Variants in VDAC1 observed in about 807,000 individuals in gnomAD.
The protein encoded by VDAC1 is non-selective voltage-gated ion channel VDAC1.
VDAC1 carries 10 observed loss-of-function variants against 34.7 expected under a neutral mutation model. The observed-to-expected ratio is 0.29, with a 90% CI of 0.18 to 0.49. The LOEUF is 0.49. VDAC1 is among the 20% of genes least tolerant of loss of function. The pLI is 0.99. For missense variants in VDAC1, 230 were observed against 347.9 expected, an observed-to-expected ratio of 0.66 and a Z score of 2.69; for synonymous variants, 130 against 136.0, an observed-to-expected ratio of 0.96 and a Z score of 0.30.
At chr5:134,091,280 A>AG in the VDAC1 span, among the ~76,000 whole-genome samples, 1 of 152,170 alleles carries the variant, frequency 6.6e-6, no homozygotes, top group Non-Finnish European at 1.5e-5. Context: ...TGTCCCACCC[A>AG]CATCCTTCCC....
the VDAC1 span, chr5:134,082,163 T>A: frequency 1.3e-5 from 2 of 152,270 alleles, no homozygotes; most frequent in Non-Finnish European, 2.9e-5. Flanking sequence ...ACAATCGATA[T>A]GATAGACATC....
the VDAC1 span, among the ~76,000 whole-genome samples, chr5:134,076,718 C>A: frequency 6.6e-6 from 1 of 152,122 alleles, no homozygotes; most frequent in African/African-American, 2.4e-5. Context: ...AGTTGTAAGG[C>A]AAGGGGCTGG....
intron 6 of VDAC1, among the ~76,000 whole-genome samples, chr5:133,977,563 A>T (rs1387015039): frequency 6.6e-6 from 1 of 152,182 alleles, no homozygotes; most frequent in African/African-American, 2.4e-5. Flanking sequence ...CAAACTCTGC[A>T]GTCACTGCCA....
At chr5:134,023,585 C>T in the VDAC1 span, among the ~76,000 whole-genome samples, 24 of 151,994 alleles carry the variant, frequency 1.6e-4, no homozygotes, top group African/African-American at 2.4e-4. Flanking sequence ...AAACGTTCTT[C>T]GGAACATTCA....
the VDAC1 span, among the ~76,000 whole-genome samples, chr5:134,072,368 T>G: frequency 1.3e-5 from 2 of 152,168 alleles, no homozygotes; most frequent in Non-Finnish European, 2.9e-5. Context: ...TCTCAGGAGC[T>G]CCAAAGGAGC....
At chr5:134,085,722 TAAAAAAAAAAAAAAAAAA>T in the VDAC1 span, among the ~76,000 whole-genome samples, 23 of 44,252 alleles carry the variant, frequency 5.2e-4, no homozygotes, top group African/African-American at 2.2e-3. Flanking sequence ...ACCCCATTTC[TAAAAAAAAAAAAAAAAAA>T]AAAAAAAAAA....
At chr5:134,098,703 T>C in the VDAC1 span, among the ~76,000 whole-genome samples, 98 of 152,306 alleles carry the variant, frequency 6.4e-4, no homozygotes, top group Admixed American at 2.9e-3. Context: ...ATCTTTTCCT[T>C]GGGGCTGTCT....
chr5:134,107,959 C>G, the VDAC1 span, among the ~76,000 whole-genome samples: 1 of 152,196 alleles, frequency 6.6e-6, no homozygotes, highest in Non-Finnish European at 1.5e-5. Context: ...GAGTTTCAAG[C>G]TCAGCTCTTG....
the VDAC1 span, among the ~76,000 whole-genome samples, chr5:134,107,302 A>C: frequency 3.3e-5 from 5 of 152,184 alleles, no homozygotes; most frequent in Non-Finnish European, 7.4e-5. Flanking sequence ...GCCTCTGCTC[A>C]TACACCTCTG....
chr5:134,073,100 C>T, the VDAC1 span, among the ~76,000 whole-genome samples: 8 of 152,126 alleles, frequency 5.3e-5, no homozygotes, highest in Non-Finnish European at 1.0e-4. Context: ...ACATCTGACC[C>T]GGCAGCCCTG....
the VDAC1 span, among the ~76,000 whole-genome samples, chr5:134,056,554 C>T: frequency 1.3e-5 from 2 of 152,036 alleles, no homozygotes; most frequent in Non-Finnish European, 2.9e-5. Flanking sequence ...ATCCTCTAGC[C>T]TCGGCCTCCC....
the VDAC1 span, among the ~76,000 whole-genome samples, chr5:134,026,679 A>T: frequency 6.6e-6 from 1 of 152,154 alleles, no homozygotes; most frequent in South Asian, 2.1e-4. Flanking sequence ...AGCCAGCTGC[A>T]TTCCACCTGG....
intron 3 of VDAC1, 45 bp downstream of exon 3, chr5:133,992,260 TA>T (rs1003359931): frequency 2.3e-6 from 3 of 1,315,964 alleles, no homozygotes; most frequent in Middle Eastern, 2.8e-4. Context: ...TAAAATAAAA[TA>T]AAAATAAATA....
At chr5:134,043,486 C>G in the VDAC1 span, among the ~76,000 whole-genome samples, 1 of 152,270 alleles carries the variant, frequency 6.6e-6, no homozygotes, top group South Asian at 2.1e-4. Flanking sequence ...ACCTCCTCCT[C>G]TCTGGTTATT....
At chr5:134,014,297 T>C in the VDAC1 span, among the ~76,000 whole-genome samples, 1 of 151,440 alleles carries the variant, frequency 6.6e-6, no homozygotes, top group South Asian at 2.1e-4. Context: ...CTCAAAAAAA[T>C]AAAAATAAAA....
the VDAC1 span, among the ~76,000 whole-genome samples, chr5:134,094,425 G>A: frequency 1.3e-5 from 2 of 152,162 alleles, no homozygotes; most frequent in Non-Finnish European, 2.9e-5. Context: ...ATGGCCGGGC[G>A]CGGTGGCTCA....
chr5:134,055,588 G>GTTTTTGTTTTTTTTTTTGTTTTTGTTT, the VDAC1 span, among the ~76,000 whole-genome samples: 12 of 59,614 alleles, frequency 2.0e-4, no homozygotes, highest in African/African-American at 7.9e-4. Context: ...CCCCGCTAAT[G>GTTTTTGTTTTTTTTTTTGTTTTTGTTT]TTTTTTTTTT....
the VDAC1 span, among the ~76,000 whole-genome samples, chr5:134,101,064 G>T: frequency 6.6e-6 from 1 of 152,246 alleles, no homozygotes; most frequent in African/African-American, 2.4e-5. Flanking sequence ...TCTGTTGCTT[G>T]CAAGGAGTAA....
chr5:133,982,853 G>A (rs1261252136), intron 5 of VDAC1, among the ~76,000 whole-genome samples: 3 of 148,234 alleles, frequency 2.0e-5, no homozygotes, highest in African/African-American at 7.5e-5. Context: ...CCGCGCCACT[G>A]CACTCCAGCC....
Sources: gnomAD v4.1 joint callset for allele counts (sites outside exome capture counted in the v4.1 genomes callset) on GRCh38, gnomAD v4.1.1 for gene constraint, MANE v1.5 for transcripts, NCBI Gene and HGNC (gene_info 2026-07-23, HGNC 2026-07-21) for gene names.